FAT3: variants seen among roughly 807,000 people sequenced by gnomAD.
FAT3 encodes FAT atypical cadherin 3, also known as protocadherin Fat 3.
Under a neutral mutation model 310.2 loss-of-function variants are expected in FAT3, and 95 were observed. The ratio of observed to expected loss-of-function variants is 0.31; its 90% confidence interval spans 0.26 to 0.36. The LOEUF (loss-of-function observed/expected upper bound fraction) is 0.36, where lower values mean the gene tolerates loss of function less well. Among genes scored for constraint, FAT3 ranks in the 10% least tolerant of loss-of-function variants. FAT3 has a pLI of 1.00. For synonymous variants in FAT3, 2,314 were observed against 2,192.9 expected (o/e 1.06, Z -1.54); for missense variants, 5,408 against 5,715.6 (o/e 0.95, Z 1.74).
At chr11:92,679,841 CAAAAAAAAAAAAAA>C (rs71064721) in intron 3 of FAT3, among the ~76,000 whole-genome samples, 1 of 57,252 alleles carries the variant, frequency 1.7e-5, no homozygotes, top group East Asian at 8.2e-4. Context: ...GACTCCATCT[CAAAAAAAAAAAAAA>C]AAAAAAAAAA....
chr11:92,449,085 C>T (rs941331982), intron 2 of FAT3, among the ~76,000 whole-genome samples: 2 of 152,134 alleles, frequency 1.3e-5, no homozygotes, highest in African/African-American at 2.4e-5. Flanking sequence ...CAGATGCCTT[C>T]TCATTTACTC....
intron 2 of FAT3, among the ~76,000 whole-genome samples, chr11:92,490,196 T>C (rs144209478): frequency 6.6e-6 from 1 of 152,316 alleles, no homozygotes; most frequent in African/African-American, 2.4e-5. Context: ...TGCTGGCTTA[T>C]ATGCAGCTAA....
intron 21 of FAT3, among the ~76,000 whole-genome samples, chr11:92,861,873 A>G (rs1404211142): frequency 2.0e-5 from 3 of 152,266 alleles, no homozygotes; most frequent in Non-Finnish European, 4.4e-5. Flanking sequence ...TTTCCCAGTC[A>G]GAGCACATTC....
intron 2 of FAT3, chr11:92,367,158 G>A (rs11019928): frequency 0.056 from 21,372 of 381,240 alleles, 984 homozygotes; most frequent in African/African-American, 0.15. Flanking sequence ...GGCCTGCTGG[G>A]CTCAGGTTGG....
intron 3 of FAT3, among the ~76,000 whole-genome samples, chr11:92,662,750 G>A (rs958400338): frequency 6.6e-6 from 1 of 152,178 alleles, no homozygotes; most frequent in Non-Finnish European, 1.5e-5. Flanking sequence ...TTGCAATTTT[G>A]TCAGCTCACT....
intron 4 of FAT3, among the ~76,000 whole-genome samples, chr11:92,760,749 G>A (rs947237084): frequency 2.0e-5 from 3 of 152,074 alleles, no homozygotes; most frequent in Non-Finnish European, 2.9e-5. Flanking sequence ...CCACACTATC[G>A]ACATGTTAGG....
intron 9 of FAT3, among the ~76,000 whole-genome samples, chr11:92,795,168 G>A (rs1452817698): frequency 6.6e-6 from 1 of 152,092 alleles, no homozygotes; most frequent in Admixed American, 6.5e-5. Context: ...GGTGTCAATG[G>A]TGAGTCTGAG....
chr11:92,659,491 C>T (rs1349592173), intron 3 of FAT3, among the ~76,000 whole-genome samples: 1 of 152,186 alleles, frequency 6.6e-6, no homozygotes, highest in East Asian at 1.9e-4. Flanking sequence ...TCTACTTCCA[C>T]TTTTTCCTTC....
chr11:92,518,593 T>C (rs773494017), intron 2 of FAT3, among the ~76,000 whole-genome samples: 20 of 151,930 alleles, frequency 1.3e-4, no homozygotes, highest in Non-Finnish European at 2.6e-4. Context: ...CAAATCACCA[T>C]GGCACATGTA....
rs139101736 is a variant in FAT3 at position 92,884,413 on chromosome 11, C to T, written c.12937+1020C>T. Among the ~76,000 whole-genome samples, 970 of 152,250 alleles carry T rather than the reference C, an allele frequency of 6.4e-3. 8 individuals are homozygous for T. The highest frequency in any genetic ancestry group is 0.022 in the African/African-American group (922 of 41,544). On this transcript the variant is annotated intron_variant, in intron 24 of 27. Transcript: ENST00000525166. Reference sequence around the variant, plus strand: ...TCTCTGTGAGAGATTGTTTTCCCTGCTGTAGTGTCCATCACAAGGAGACTA... The same window carrying T: ...TCTCTGTGAGAGATTGTTTTCCCTGTTGTAGTGTCCATCACAAGGAGACTA...
intron 3 of FAT3, among the ~76,000 whole-genome samples, chr11:92,525,405 G>T (rs7114976): frequency 0.043 from 6,583 of 152,218 alleles, 177 homozygotes; most frequent in East Asian, 0.084. Context: ...CATCAAGGAA[G>T]CATCCATGTT....
chr11:92,429,754 A>G lies in FAT3; in HGVS notation c.3292+74350A>G, dbSNP rs552328377. Among the ~76,000 whole-genome samples, 33 of 152,236 alleles carry G rather than the reference A, an allele frequency of 2.2e-4. 2 individuals are homozygous for G. The South Asian group carries it at 6.8e-3, about 32-fold the overall frequency. ...TTCTGCAGAGAGATCTGCTTTTAGT[A>G]TGATGGGCTTCCCTTTGTGGGTAAC... On this transcript the variant is annotated intron_variant, in intron 2 of 27. Transcript: ENST00000525166.
chr11:92,462,879 C>T lies in FAT3; in HGVS notation c.3293-61755C>T, dbSNP rs555156048. Among the ~76,000 whole-genome samples, 8 of 152,308 alleles carry T rather than the reference C, an allele frequency of 5.3e-5. No individual in the cohort carries two copies. The East Asian group carries it at 1.5e-3, about 29-fold the overall frequency. On this transcript the variant is annotated intron_variant, in intron 2 of 27. Transcript: ENST00000525166. ...AACTTCCAGTACTTCTTGTTCTCAT[C>T]TGTCTCAGAGAGAAATCTCACTTTC...
chr11:92,603,198 A>C (rs953137354), intron 3 of FAT3, among the ~76,000 whole-genome samples: 2 of 151,948 alleles, frequency 1.3e-5, no homozygotes, highest in Non-Finnish European at 2.9e-5. Context: ...AATTTCTTCA[A>C]CTCTCTGCCA....
intron 3 of FAT3, among the ~76,000 whole-genome samples, chr11:92,577,939 G>A (rs1465592798): frequency 4.6e-5 from 7 of 151,946 alleles, no homozygotes; most frequent in Non-Finnish European, 1.0e-4. Flanking sequence ...AGAGACAGAT[G>A]GAGAGAGAGA....
chr11:92,630,526 G>A (rs1941519558), intron 3 of FAT3, among the ~76,000 whole-genome samples: 1 of 152,134 alleles, frequency 6.6e-6, no homozygotes, highest in Non-Finnish European at 1.5e-5. Flanking sequence ...GGCTCAGCTT[G>A]TCCAAAACCA....
At chr11:92,754,680 ACCCGTCTCTACTAAAAATAC>A (rs1945938947) in intron 4 of FAT3, among the ~76,000 whole-genome samples, 3 of 128,824 alleles carry the variant, frequency 2.3e-5, no homozygotes, top group African/African-American at 9.4e-5. Flanking sequence ...CATGGTGAAA[ACCCGTCTCTACTAAAAATAC>A]AAAAAAAAAA....
intron 2 of FAT3, chr11:92,400,636 A>G (rs1949992389): frequency 6.6e-6 from 1 of 151,992 alleles, no homozygotes. Context: ...ACTTTCTATA[A>G]AGTTTTTTCT....
chr11:92,889,494 T>C (rs1368056248), intron 26 of FAT3, among the ~76,000 whole-genome samples: 11 of 152,206 alleles, frequency 7.2e-5, no homozygotes. Flanking sequence ...CCCAATTAGT[T>C]GCAATCCAGA....
Sources: allele counts gnomAD v4.1 joint callset (sites outside exome capture counted in the v4.1 genomes callset), GRCh38; gene constraint gnomAD v4.1.1; transcripts MANE v1.5; gene names NCBI Gene and HGNC (gene_info 2026-07-23, HGNC 2026-07-21).